The following PHF8 variants were observed in gnomAD, a reference collection of about 807,000 sequenced individuals.
The protein encoded by PHF8 is histone lysine demethylase PHF8.
In PHF8, 9 loss-of-function variants were observed where a neutral mutation model predicts 74.4. The observed-to-expected ratio is 0.12, with a 90% CI of 0.07 to 0.21. The LOEUF (loss-of-function observed/expected upper bound fraction) is 0.21. Among genes scored for constraint, PHF8 ranks in the 10% least tolerant of loss-of-function variants. The pLI is 1.00. For synonymous variants in PHF8, 311 were observed against 316.6 expected (o/e 0.98, Z 0.19); for missense variants, 478 against 816.6 (o/e 0.59, Z 5.05).
intron 18 of PHF8, among the ~76,000 whole-genome samples, chrX:53,979,448 C>T (rs1557097310): frequency 8.9e-6 from 1 of 111,927 alleles, no homozygotes; most frequent in Non-Finnish European, 1.9e-5. Context: ...ATTGAAAATA[C>T]ATCAACAGAG....
intron 19 of PHF8, among the ~76,000 whole-genome samples, chrX:53,948,427 C>T (rs1281303168): frequency 1.8e-5 from 2 of 110,584 alleles, no homozygotes; most frequent in Non-Finnish European, 3.8e-5. Flanking sequence ...CACCCACCAC[C>T]CCGCCCGGCT....
intron 19 of PHF8, among the ~76,000 whole-genome samples, chrX:53,961,746 G>A (rs995630996): frequency 8.1e-5 from 9 of 111,457 alleles, no homozygotes; most frequent in African/African-American, 2.9e-4. Flanking sequence ...AATAAGGCAG[G>A]GTGAGAAGAG....
chrX:53,962,140 A>G (rs1208036491), intron 19 of PHF8, among the ~76,000 whole-genome samples: 1 of 111,885 alleles, frequency 8.9e-6, no homozygotes, highest in African/African-American at 3.2e-5. Flanking sequence ...GGACTTAGAT[A>G]GTAGGTCTGA....
At chrX:54,034,453 C>T (rs1233254938) in intron 2 of PHF8, among the ~76,000 whole-genome samples, 1 of 111,288 alleles carries the variant, frequency 9.0e-6, no homozygotes, top group Non-Finnish European at 1.9e-5. Flanking sequence ...GAAAAGATCC[C>T]CTAAGAATTC....
chrX:54,014,632 A>G, intron 6 of PHF8, 69 bp from the exon 7 acceptor site: 2 of 768,052 alleles, frequency 2.6e-6, no homozygotes, highest in South Asian at 2.2e-5. Flanking sequence ...TGAATAAAAT[A>G]CCCCACAGTT....
intron 18 of PHF8, among the ~76,000 whole-genome samples, chrX:53,971,130 A>T (rs1390460911): frequency 8.9e-6 from 1 of 111,774 alleles, no homozygotes; most frequent in Admixed American, 9.6e-5. Context: ...CTGAAATCAT[A>T]ACAGTCTCTC....
intron 11 of PHF8, among the ~76,000 whole-genome samples, chrX:53,997,136 G>A (rs2065761032): frequency 9.0e-6 from 1 of 111,690 alleles, no homozygotes; most frequent in Non-Finnish European, 1.9e-5. Flanking sequence ...GGACCTCAGG[G>A]AGATCAGTGG....
At chrX:53,976,597 G>A (rs1019928795) in intron 18 of PHF8, among the ~76,000 whole-genome samples, 22 of 108,096 alleles carry the variant, frequency 2.0e-4, no homozygotes, top group African/African-American at 7.4e-4. Flanking sequence ...TTTGACACAA[G>A]GCTATGCAAC....
intron 2 of PHF8, among the ~76,000 whole-genome samples, chrX:54,023,652 A>G (rs782680309): frequency 2.8e-5 from 3 of 108,188 alleles, no homozygotes; most frequent in Non-Finnish European, 5.7e-5. Context: ...GGATCACTTG[A>G]GCCCAGGAGT....
chrX:54,015,615 T>C (rs1392534895), intron 6 of PHF8, among the ~76,000 whole-genome samples: 1 of 107,826 alleles, frequency 9.3e-6, no homozygotes, highest in Non-Finnish European at 1.9e-5. Context: ...GCAAGGGTCT[T>C]AATATTGTAC....
chrX:53,964,822 G>A (rs2065156055), intron 18 of PHF8, among the ~76,000 whole-genome samples: 1 of 104,139 alleles, frequency 9.6e-6, no homozygotes, highest in East Asian at 3.0e-4. Context: ...AGCCAAGATC[G>A]TGCCACTGCA....
At chrX:53,991,930 T>C (rs1002056002) in intron 14 of PHF8, among the ~76,000 whole-genome samples, 1 of 111,433 alleles carries the variant, frequency 9.0e-6, no homozygotes, top group Admixed American at 9.6e-5. Flanking sequence ...TGACATTGGT[T>C]GTCCATGGGA....
Position 53,987,854 on chromosome X carries a change from C to T in PHF8, c.1821G>A (p.Met607Ile). 1 of 1,207,631 alleles carries T rather than the reference C, an allele frequency of 8.3e-7. No individual in the cohort carries two copies. The highest frequency in any genetic ancestry group is 2.2e-5 in the Admixed American group (1 of 46,045). ...CTGAATCCAAGTCAAATTCGTCTTC[C>T]ATCACCTGTTCTGCCATCAGCCTAG... ...DKARLMAEQV[M>I]EDEFDLDSDD... Residue 607 changes from methionine to isoleucine, a missense_variant, in exon 15 of 22, where the codon ATG (methionine) becomes ATA (isoleucine). Physicochemically the swap from Met to Ile is conservative, Grantham distance 10. This residue lies in a region of PHF8 where 153 missense variants were observed against 164.8 expected (regional missense o/e 0.93). Coordinates refer to ENST00000338154, the MANE Select transcript of PHF8 (RefSeq NM_015107.3).
intron 7 of PHF8, among the ~76,000 whole-genome samples, 180 bp downstream of exon 7, chrX:54,014,197 C>T (rs1371758008): frequency 5.4e-5 from 6 of 111,452 alleles, no homozygotes; most frequent in African/African-American, 2.0e-4. Flanking sequence ...CCTCGTGATC[C>T]GCCCGCCTCG....
Position 53,989,694 on chromosome X carries a change from TGG to T in PHF8, c.1731-1752_1731-1751del, listed in dbSNP as rs781860515. Among the ~76,000 whole-genome samples, 151 of 112,165 alleles carry T rather than the reference TGG, an allele frequency of 1.3e-3. 1 individual carries two copies. In the Middle Eastern group the frequency reaches 0.028, roughly 21 times the overall value. ...AAACAGTTAAAAAGAAACATGTTTTTGGTAAATCAGTAAATTGATACATTTAG... is the reference window on the plus strand; with the variant it reads ...AAACAGTTAAAAAGAAACATGTTTTTTAAATCAGTAAATTGATACATTTAG... On this transcript the variant is annotated intron_variant, in intron 14 of 21. Coordinates refer to ENST00000338154, the MANE Select transcript of PHF8 (RefSeq NM_015107.3).
intron 4 of PHF8, among the ~76,000 whole-genome samples, chrX:54,021,454 ATTTT>A (rs1156928686): frequency 9.5e-5 from 4 of 42,162 alleles, no homozygotes; most frequent in Non-Finnish European, 1.2e-4. Flanking sequence ...AGTTGCAATT[ATTTT>A]TTTTTTTTTT....
chrX:53,950,564 G>C (rs1404597709), intron 19 of PHF8, among the ~76,000 whole-genome samples: 2 of 111,986 alleles, frequency 1.8e-5, no homozygotes, highest in Non-Finnish European at 3.8e-5. Context: ...GTTGTAAACT[G>C]CCTGGCTGAG....
chrX:54,014,678 T>A, intron 6 of PHF8, 115 bp from the exon 7 acceptor site: 1 of 535,377 alleles, frequency 1.9e-6, no homozygotes, highest in Non-Finnish European at 3.2e-6. Flanking sequence ...ACAAGTTCCC[T>A]CCACAGAATC....
chrX:53,965,109 TAA>T (rs1306228140), intron 18 of PHF8, among the ~76,000 whole-genome samples: 1 of 110,906 alleles, frequency 9.0e-6, no homozygotes, highest in Non-Finnish European at 1.9e-5. Context: ...AAAAAGATGA[TAA>T]ATTTAATGGT....
Sources: gnomAD v4.1 joint callset for allele counts (sites outside exome capture counted in the v4.1 genomes callset) on GRCh38, gnomAD v4.1.1 for gene constraint, gnomAD v4.1.1 regional missense constraint, MANE v1.5 for transcripts, NCBI Gene and HGNC (gene_info 2026-07-23, HGNC 2026-07-21) for gene names.